Variants in ARL15 observed in about 807,000 individuals in gnomAD.
The protein encoded by ARL15 is ADP-ribosylation factor-like protein 15.
Under a neutral mutation model 25.2 loss-of-function variants are expected in ARL15, and 19 were observed. The ratio of observed to expected loss-of-function variants is 0.75; its 90% CI spans 0.53 to 1.10. The LOEUF (loss-of-function observed/expected upper bound fraction) is 1.10. ARL15 is among the 50% of genes least tolerant of loss of function. The pLI is 0.00. For synonymous variants in ARL15, 94 were observed against 86.8 expected (o/e 1.08, Z -0.46); for missense variants, 220 against 246.0 (o/e 0.89, Z 0.71).
At chr5:54,008,355 T>C (rs1463588125) in intron 4 of ARL15, among the ~76,000 whole-genome samples, 1 of 152,228 alleles carries the variant, frequency 6.6e-6, no homozygotes, top group African/African-American at 2.4e-5. Flanking sequence ...GCATTGCGAC[T>C]ACTAAATGCA....
At chr5:54,148,689 G>C (rs940809472) in intron 3 of ARL15, among the ~76,000 whole-genome samples, 1 of 152,116 alleles carries the variant, frequency 6.6e-6, no homozygotes, top group Non-Finnish European at 1.5e-5. Context: ...CTTTCAAAGA[G>C]AACATTGGGT....
At chr5:54,079,967 T>TCACACACA (rs58908566) in intron 4 of ARL15, among the ~76,000 whole-genome samples, 7 of 124,300 alleles carry the variant, frequency 5.6e-5, no homozygotes, top group Non-Finnish European at 1.2e-4. Flanking sequence ...TGAGACTCCG[T>TCACACACA]CACACACACA....
At chr5:53,933,367 C>T (rs1746252829) in intron 4 of ARL15, among the ~76,000 whole-genome samples, 1 of 152,006 alleles carries the variant, frequency 6.6e-6, no homozygotes, top group Non-Finnish European at 1.5e-5. Context: ...GAGAAAAAGG[C>T]CGGGCGCGGT....
chr5:54,111,109 C>A (rs1752727014), intron 4 of ARL15, among the ~76,000 whole-genome samples: 1 of 151,976 alleles, frequency 6.6e-6, no homozygotes, highest in African/African-American at 2.4e-5. Context: ...TGTAGACATG[C>A]ACCTGTATGG....
intron 4 of ARL15, among the ~76,000 whole-genome samples, chr5:54,059,712 T>A (rs1316095866): frequency 6.6e-6 from 1 of 152,212 alleles, no homozygotes; most frequent in African/African-American, 2.4e-5. Flanking sequence ...CAACCTACTT[T>A]TGAGAATAAA....
intron 1 of ARL15, among the ~76,000 whole-genome samples, chr5:54,303,900 C>T (rs1303217823): frequency 6.6e-6 from 1 of 152,104 alleles, no homozygotes; most frequent in Non-Finnish European, 1.5e-5. Context: ...ACACTAGATG[C>T]TGAAGATCAC....
At chr5:54,035,161 C>G (rs1561197269) in intron 4 of ARL15, among the ~76,000 whole-genome samples, 1 of 152,058 alleles carries the variant, frequency 6.6e-6, no homozygotes, top group Non-Finnish European at 1.5e-5. Context: ...CAGAGACATA[C>G]TGAATCATAT....
At chr5:54,061,626 A>T (rs1751064451) in intron 4 of ARL15, among the ~76,000 whole-genome samples, 1 of 152,160 alleles carries the variant, frequency 6.6e-6, no homozygotes, top group Non-Finnish European at 1.5e-5. Flanking sequence ...AAAATAAAAT[A>T]AAAGAATTGA....
intron 4 of ARL15, among the ~76,000 whole-genome samples, chr5:53,947,935 A>G (rs1270196054): frequency 6.6e-6 from 1 of 152,204 alleles, no homozygotes; most frequent in African/African-American, 2.4e-5. Flanking sequence ...CCTTCCTCCA[A>G]AAATCTCCGT....
chr5:54,125,080 G>T (rs59567228), intron 3 of ARL15, among the ~76,000 whole-genome samples: 31,023 of 140,360 alleles, frequency 0.22, 4,187 homozygotes, highest in African/African-American at 0.34. Flanking sequence ...GTTTTGTTTT[G>T]TTTTGTTTTT....
chr5:53,944,891 G>C (rs1199602911), intron 4 of ARL15, among the ~76,000 whole-genome samples: 1 of 152,178 alleles, frequency 6.6e-6, no homozygotes, highest in Non-Finnish European at 1.5e-5. Context: ...GTTAGAAGTA[G>C]CCCAATTAAG....
At chr5:54,178,211 C>T (rs929470627) in intron 1 of ARL15, among the ~76,000 whole-genome samples, 3 of 152,200 alleles carry the variant, frequency 2.0e-5, no homozygotes, top group African/African-American at 4.8e-5. Context: ...CATCCTGTTT[C>T]GCTAAATTCC....
chr5:54,047,610 A>G (rs936155026), intron 4 of ARL15, among the ~76,000 whole-genome samples: 1 of 152,218 alleles, frequency 6.6e-6, no homozygotes, highest in African/African-American at 2.4e-5. Context: ...TTGTGGAGGG[A>G]GTTGCAGACT....
At chr5:54,160,751 A>G (rs529999381) in intron 2 of ARL15, among the ~76,000 whole-genome samples, 1 of 152,340 alleles carries the variant, frequency 6.6e-6, no homozygotes. Flanking sequence ...TTAATAAACC[A>G]ATAAAGTTTG....
intron 4 of ARL15, among the ~76,000 whole-genome samples, chr5:54,090,606 A>G (rs1049807920): frequency 6.6e-6 from 1 of 152,128 alleles, no homozygotes; most frequent in African/African-American, 2.4e-5. Context: ...TCTTTAAACT[A>G]CATACACATG....
intron 4 of ARL15, among the ~76,000 whole-genome samples, chr5:53,943,672 A>G (rs1047568017): frequency 2.0e-5 from 3 of 152,208 alleles, no homozygotes; most frequent in African/African-American, 7.2e-5. Flanking sequence ...CTGGTTGAGA[A>G]TGGCCTGAGT....
In ARL15 at chr5:54,171,805, C is replaced by T. The variant is rs200968142; in HGVS notation, c.172G>A (p.Asp58Asn). The T allele has an allele frequency of 5.0e-5, 81 of 1,612,938 alleles. No homozygotes were observed. The Admixed American group carries it at 9.0e-4, about 18-fold the overall frequency. Residue 58 changes from aspartate to asparagine, a missense_variant, in exon 2 of 5, where the codon GAT becomes AAT. Physicochemically the swap from Asp to Asn is conservative, Grantham distance 23. Transcript: ENST00000504924. Reference protein sequence around the residue: ...LLSKLCSESPDNVVSTTGFSI... With the variant: ...LLSKLCSESPNNVVSTTGFSI... The stretch of plus-strand genomic sequence containing the variant: ...CCACCTGTGGTCGACACGACGTTAT[C>T]GGGGCTTTCACTGCAGAGTTTGGAC...
intron 1 of ARL15, among the ~76,000 whole-genome samples, chr5:54,280,826 C>T (rs541551207): frequency 2.6e-5 from 4 of 151,968 alleles, no homozygotes; most frequent in Admixed American, 2.6e-4. Flanking sequence ...AAATCCCCAC[C>T]CTAGGCCTCT....
chr5:54,298,408 C>T (rs1363789207), intron 1 of ARL15, among the ~76,000 whole-genome samples: 1 of 152,190 alleles, frequency 6.6e-6, no homozygotes, highest in Non-Finnish European at 1.5e-5. Context: ...CCTCCGTCCT[C>T]ACTGCAGCTT....
Sources: allele counts gnomAD v4.1 joint callset (sites outside exome capture counted in the v4.1 genomes callset), GRCh38; gene constraint gnomAD v4.1.1; transcripts MANE v1.5; gene names NCBI Gene and HGNC (gene_info 2026-07-23, HGNC 2026-07-21).